The following GRIN3A variants were observed in gnomAD, a reference collection of about 807,000 sequenced individuals.
GRIN3A encodes the protein glutamate receptor ionotropic, NMDA 3A.
GRIN3A carries 47 observed loss-of-function variants against 92.4 expected under a neutral mutation model. The ratio of observed to expected loss-of-function variants is 0.51; its 90% CI spans 0.40 to 0.65. The LOEUF is 0.65. Ranked by LOEUF, GRIN3A falls within the 30% of genes least tolerant of loss-of-function variation. GRIN3A has a pLI of 0.00. For synonymous variants in GRIN3A, 527 were observed against 540.6 expected, an observed-to-expected ratio of 0.97 and a Z score of 0.35; for missense variants, 1,324 against 1,393.1, an observed-to-expected ratio of 0.95 and a Z score of 0.79.
At chr9:101,728,357 G>T (rs1331592898) in intron 1 of GRIN3A, among the ~76,000 whole-genome samples, 1 of 152,076 alleles carries the variant, frequency 6.6e-6, no homozygotes, top group East Asian at 1.9e-4. Flanking sequence ...CACCCCTGGC[G>T]GTGAGGAGAG....
At chr9:101,731,753 G>A (rs1830141496) in intron 1 of GRIN3A, among the ~76,000 whole-genome samples, 1 of 152,222 alleles carries the variant, frequency 6.6e-6, no homozygotes, top group Admixed American at 6.5e-5. Context: ...GAATTTGGCT[G>A]AGGTGTCAGG....
At chr9:101,616,600 T>TAC (rs1206626728) in intron 5 of GRIN3A, among the ~76,000 whole-genome samples, 2 of 152,012 alleles carry the variant, frequency 1.3e-5, no homozygotes, top group Non-Finnish European at 2.9e-5. Context: ...TTATTGGTTA[T>TAC]ACACACATCT....
In GRIN3A at chr9:101,670,907, C is replaced by A; in HGVS notation, c.1505G>T (p.Arg502Ile). 6.2e-7 allele frequency: 1 copy of A among 1,612,690 alleles called. No individual in the cohort carries two copies. The highest frequency in any genetic ancestry group is 8.5e-7 in the Non-Finnish European group (1 of 1,178,996). The change falls in exon 3 of 9, where the codon AGA becomes ATA. Residue 502 changes from arginine to isoleucine, a missense_variant. Arg to Ile is a moderately conservative substitution (Grantham distance 97). Transcript: ENST00000361820. ...DYGIWPEQAQ[R>I]HKTHFQHPSK... ...TGGATGTTGGAAGTGGGTTTTGTGT[C>A]TCTGGGCCTGCTCTGGCCATATTCC...
At chr9:101,722,012 T>C (rs1380092836) in intron 1 of GRIN3A, among the ~76,000 whole-genome samples, 1 of 152,126 alleles carries the variant, frequency 6.6e-6, no homozygotes, top group Admixed American at 6.5e-5. Context: ...ATGGGGAAAA[T>C]GTCTCCAGGC....
intron 2 of GRIN3A, among the ~76,000 whole-genome samples, chr9:101,684,484 G>A (rs1202347867): frequency 1.3e-5 from 2 of 151,886 alleles, no homozygotes; most frequent in East Asian, 1.9e-4. Flanking sequence ...CAATAATAGC[G>A]TCTCCACTTA....
intron 5 of GRIN3A, 81 bp downstream of exon 5, chr9:101,623,237 G>T: frequency 1.1e-6 from 1 of 892,908 alleles, no homozygotes; most frequent in South Asian, 1.3e-5. Flanking sequence ...CTTTGCTTCT[G>T]ACTTTGGCAT....
chr9:101,729,683 A>G (rs1830116995), intron 1 of GRIN3A, among the ~76,000 whole-genome samples: 1 of 152,142 alleles, frequency 6.6e-6, no homozygotes, highest in African/African-American at 2.4e-5. Context: ...AGTTTTGAGG[A>G]TTCAGATTTG....
chr9:101,736,669 C>A (rs1830209397), intron 1 of GRIN3A, among the ~76,000 whole-genome samples: 1 of 152,144 alleles, frequency 6.6e-6, no homozygotes, highest in African/African-American at 2.4e-5. Context: ...TTTCCAATAT[C>A]CGAGACTAAT....
At position 101,687,157 on chromosome 9, in the gene GRIN3A, G is replaced by C; in HGVS notation, c.743C>G (p.Ser248Cys). ...GATTGAGACAGTGACATCAGCATCA[G>C]AACTTAATGAATTTTCTAAACTCAG... ...LQLSLENSLS[S>C]DADVTVSILT... The change falls in exon 2 of 9, where the codon TCT (serine) becomes TGT (cysteine). Residue 248 changes from serine (S) to cysteine (C), a missense_variant. Coordinates refer to ENST00000361820, the MANE Select transcript of GRIN3A (RefSeq NM_133445.3). 6.2e-7 allele frequency: 1 copy of C among 1,613,670 alleles called. No individual in the cohort carries two copies.
Position 101,737,531 on chromosome 9 carries a change from A to G in GRIN3A, c.449T>C (p.Val150Ala), listed in dbSNP as rs759990266. The change falls in exon 1 of 9, where the codon GTA becomes GCA. Residue 150 changes from valine to alanine, a missense_variant. By Grantham distance (64) the Val-to-Ala change is moderately conservative. Coordinates refer to ENST00000361820, the MANE Select transcript of GRIN3A (RefSeq NM_133445.3). ...CAGGCCTGCCTCGATGGCCATCACT[A>G]CTTCCAAAGACAGGTTGTAGGGTAG... ...GLLPYNLSLEVVMAIEAGLGD... is the reference protein window; with the variant it reads ...GLLPYNLSLEAVMAIEAGLGD... The G allele has an allele frequency of 6.2e-7, 1 of 1,614,218 alleles. No homozygotes were observed. The highest frequency in any genetic ancestry group is 8.5e-7 in the Non-Finnish European group (1 of 1,180,036).
At chr9:101,608,390 C>T (rs1190055406) in intron 6 of GRIN3A, among the ~76,000 whole-genome samples, 4 of 152,164 alleles carry the variant, frequency 2.6e-5, no homozygotes, top group African/African-American at 9.7e-5. Flanking sequence ...TTCCCAACTG[C>T]CGTTCCCCTG....
intron 1 of GRIN3A, among the ~76,000 whole-genome samples, chr9:101,691,548 T>C (rs1018732628): frequency 2.0e-5 from 3 of 152,182 alleles, no homozygotes; most frequent in African/African-American, 7.2e-5. Flanking sequence ...TATATAATGA[T>C]TTATAAAAGT....
At chr9:101,719,275 C>T (rs1174167011) in intron 1 of GRIN3A, among the ~76,000 whole-genome samples, 1 of 151,916 alleles carries the variant, frequency 6.6e-6, no homozygotes, top group Non-Finnish European at 1.5e-5. Context: ...CAAAATTCGC[C>T]GGGTGTGGTG....
chr9:101,706,552 A>T (rs925060085), intron 1 of GRIN3A, among the ~76,000 whole-genome samples: 2 of 152,250 alleles, frequency 1.3e-5, no homozygotes, highest in African/African-American at 4.8e-5. Flanking sequence ...TTATGCAATC[A>T]GGGTGCTGGA....
chr9:101,710,623 T>G (rs1162520901), intron 1 of GRIN3A, among the ~76,000 whole-genome samples: 2 of 152,174 alleles, frequency 1.3e-5, no homozygotes, highest in East Asian at 3.8e-4. Flanking sequence ...TATAATCAGT[T>G]TACTCAAGTT....
intron 2 of GRIN3A, among the ~76,000 whole-genome samples, chr9:101,678,619 T>C (rs1829428863): frequency 6.6e-6 from 1 of 152,196 alleles, no homozygotes; most frequent in Non-Finnish European, 1.5e-5. Flanking sequence ...CAATTACTTA[T>C]AGGTGAAACT....
chr9:101,720,172 C>G (rs76509547), intron 1 of GRIN3A, among the ~76,000 whole-genome samples: 1 of 152,238 alleles, frequency 6.6e-6, no homozygotes, highest in South Asian at 2.1e-4. Context: ...TTCCTGTTGC[C>G]AAATTAGTAC....
Position 101,682,243 on chromosome 9 carries a change from G to A in GRIN3A, c.1304+4353C>T, listed in dbSNP as rs1245172723. Reference sequence around the variant, plus strand: ...AGTAATGGGATGGCTGGGTCAAGTGGTATTTCTAGTTCTAGATCCCTGAGG... The same window carrying A: ...AGTAATGGGATGGCTGGGTCAAGTGATATTTCTAGTTCTAGATCCCTGAGG... On this transcript the variant is annotated intron_variant, in intron 2 of 8. Coordinates refer to ENST00000361820, the MANE Select transcript of GRIN3A (RefSeq NM_133445.3). Among the ~76,000 whole-genome samples the A allele has an allele frequency of 2.4e-4, 2 of 8,288 alleles. 1 individual carries two copies. Among genetic ancestry groups the A allele is most frequent in the Admixed American group, 3.3e-3 (2 of 610 alleles). The allele number at this position is 8,288 out of a possible 152,430, so 5.4% of individuals were successfully genotyped here.
chr9:101,697,587 A>G (rs1829699809), intron 1 of GRIN3A, among the ~76,000 whole-genome samples: 2 of 152,168 alleles, frequency 1.3e-5, no homozygotes. Context: ...CCTTGTTGTA[A>G]ACTCACTTGT....
Sources: allele counts gnomAD v4.1 joint callset (sites outside exome capture counted in the v4.1 genomes callset), GRCh38; gene constraint gnomAD v4.1.1; transcripts MANE v1.5; gene names NCBI Gene and HGNC (gene_info 2026-07-23, HGNC 2026-07-21).